Variants in EVL observed in about 807,000 individuals in gnomAD.
EVL encodes Enah/Vasp-like, also known as ena/VASP-like protein.
Under a neutral mutation model 59.6 loss-of-function variants are expected in EVL, and 21 were observed. The ratio of observed to expected loss-of-function variants is 0.35; its 90% CI spans 0.25 to 0.51. EVL has a LOEUF of 0.51. Among genes scored for constraint, EVL ranks in the 20% least tolerant of loss-of-function variants. EVL has a pLI of 0.97. For missense variants in EVL, 462 were observed against 546.6 expected (o/e 0.85, Z 1.54); for synonymous variants, 198 against 203.5 (o/e 0.97, Z 0.23).
At chr14:100,101,113 A>C (rs913255048) in intron 3 of EVL, among the ~76,000 whole-genome samples, 1 of 152,006 alleles carries the variant, frequency 6.6e-6, no homozygotes, top group Non-Finnish European at 1.5e-5. Flanking sequence ...TAATCCCAGC[A>C]CTTTGGGAGG....
chr14:100,047,118 C>CTCTTTTTTTTTTTT (rs1566983192), intron 1 of EVL, among the ~76,000 whole-genome samples: 14 of 23,910 alleles, frequency 5.9e-4, no homozygotes, highest in African/African-American at 1.9e-3. Context: ...ATCTCTCTCT[C>CTCTTTTTTTTTTTT]TTTTTTTTTT....
intron 1 of EVL, among the ~76,000 whole-genome samples, chr14:100,059,622 C>T (rs751089193): frequency 6.6e-6 from 1 of 152,074 alleles, no homozygotes; most frequent in Non-Finnish European, 1.5e-5. Context: ...TGTTGCAGAT[C>T]CGGCTTAACC....
intron 1 of EVL, among the ~76,000 whole-genome samples, chr14:100,044,547 A>G (rs775304313): frequency 2.6e-5 from 4 of 152,198 alleles, no homozygotes; most frequent in Non-Finnish European, 5.9e-5. Context: ...AAGGACTGAT[A>G]CTTGTCCTCT....
At position 100,052,361 on chromosome 14, in the gene EVL, A is replaced by G. The variant is rs540429708; in HGVS notation, c.6-32326A>G. 6.6e-5 allele frequency among the ~76,000 whole-genome samples: 10 copies of G among 152,344 alleles called. No individual in the cohort carries two copies. In the South Asian group the frequency reaches 1.9e-3, roughly 28 times the overall value. On this transcript the variant is annotated intron_variant, in intron 1 of 13. Coordinates refer to the EVL transcript ENST00000402714. Reference sequence around the variant, plus strand: ...TAAATTGCATTTATAAATTTAATATATTGAATGCATGCATGCCATATATAA... The same window carrying G: ...TAAATTGCATTTATAAATTTAATATGTTGAATGCATGCATGCCATATATAA...
intron 7 of EVL, among the ~76,000 whole-genome samples, chr14:100,131,949 C>T (rs1888462617): frequency 6.6e-6 from 1 of 152,120 alleles, no homozygotes; most frequent in African/African-American, 2.4e-5. Context: ...AGACAGGTGA[C>T]AGCCTGGCCA....
At chr14:100,097,357 C>T (rs753204798) in intron 2 of EVL, 124 bp from the exon 3 acceptor site, 3 of 838,520 alleles carry the variant, frequency 3.6e-6, no homozygotes, top group Non-Finnish European at 5.4e-6. Context: ...CTTTTCCCTT[C>T]TTCAAACCCC....
intron 1 of EVL, among the ~76,000 whole-genome samples, chr14:100,012,693 C>G (rs1340792301): frequency 6.6e-6 from 1 of 152,100 alleles, no homozygotes; most frequent in Non-Finnish European, 1.5e-5. Flanking sequence ...GCAAGGGCCC[C>G]CCTTTCATGG....
At chr14:100,139,049 C>T (rs1202661945) in intron 11 of EVL, 1 of 152,374 alleles carries the variant, frequency 6.6e-6, no homozygotes, top group Non-Finnish European at 1.5e-5. Context: ...TGTTCATGCG[C>T]AGGGCCCAGT....
chr14:100,068,184 C>T (rs1225159570), intron 1 of EVL, among the ~76,000 whole-genome samples: 1 of 152,052 alleles, frequency 6.6e-6, no homozygotes, highest in Non-Finnish European at 1.5e-5. Flanking sequence ...CATGAGGCAG[C>T]CATGCTAAAA....
At chr14:100,133,892 G>T (rs557636776) in intron 8 of EVL, among the ~76,000 whole-genome samples, 4 of 152,258 alleles carry the variant, frequency 2.6e-5, no homozygotes, top group South Asian at 4.2e-4. Context: ...AGCAGAGATC[G>T]CACCATTGCA....
chr14:100,028,122 T>TTTTGTTTG lies in EVL; in HGVS notation c.5+56073_5+56080dup, dbSNP rs150168613. The stretch of plus-strand genomic sequence containing the variant: ...ATGGTAGTTCTACTTTTAGTTGTTT[T>TTTTGTTTG]TTTGTTTGTTTGTTTTTTTTTTTTT... On this transcript the variant is annotated intron_variant, in intron 1 of 13. Transcript: ENST00000402714. 1.6e-4 allele frequency among the ~76,000 whole-genome samples: 22 copies of TTTTGTTTG among 135,354 alleles called. 1 individual carries two copies. The highest frequency in any genetic ancestry group is 2.4e-4 in the East Asian group (1 of 4,188). 88.8% of individuals were successfully genotyped at this position (135,354 alleles called of 152,430 possible). A position where few individuals can be genotyped will look rare whatever the true frequency, so the allele number is the denominator to read the frequency against.
At chr14:100,107,289 C>T in intron 3 of EVL, 1 of 398,668 alleles carries the variant, frequency 2.5e-6, no homozygotes, top group Non-Finnish European at 4.4e-6. Flanking sequence ...AAGCTGATGG[C>T]ACTCGACCAC....
At chr14:100,070,643 T>C (rs559371115) in intron 1 of EVL, among the ~76,000 whole-genome samples, 280 of 152,306 alleles carry the variant, frequency 1.8e-3, no homozygotes, top group Non-Finnish European at 3.5e-3. Flanking sequence ...GCCTAGTAAA[T>C]AGCACAGAGT....
intron 1 of EVL, among the ~76,000 whole-genome samples, chr14:100,020,638 G>A (rs1222583788): frequency 6.6e-6 from 1 of 152,112 alleles, no homozygotes; most frequent in Non-Finnish European, 1.5e-5. Context: ...TCCTCCAAAT[G>A]TTGCTGCGGT....
At position 100,120,648 on chromosome 14, in the gene EVL, G is replaced by A. The variant is rs555937341; in HGVS notation, c.359-2891G>A. Among the ~76,000 whole-genome samples, 3 of 152,318 alleles carry A rather than the reference G, an allele frequency of 2.0e-5. No individual in the cohort carries two copies. In the South Asian group the frequency reaches 6.2e-4, roughly 32 times the overall value. ...AACACAGAGAGACAGGAAGCATGGTGGGGCCGGGCCCAGTGTCCAGGTGCA... is the reference window on the plus strand; with the variant it reads ...AACACAGAGAGACAGGAAGCATGGTAGGGCCGGGCCCAGTGTCCAGGTGCA... On this transcript the variant is annotated intron_variant, in intron 3 of 13. Transcript: ENST00000392920.
At chr14:99,982,043 C>T (rs2060810399) in intron 1 of EVL, among the ~76,000 whole-genome samples, 1 of 152,140 alleles carries the variant, frequency 6.6e-6, no homozygotes, top group African/African-American at 2.4e-5. Flanking sequence ...GTGGCCGGTC[C>T]CTTCATGAAA....
intron 8 of EVL, chr14:100,135,601 TC>T (rs1179495056): frequency 2.4e-5 from 8 of 335,850 alleles, no homozygotes; most frequent in Non-Finnish European, 3.9e-5. Flanking sequence ...ACGGGAGGCA[TC>T]CGGCCCAAGG....
intron 1 of EVL, among the ~76,000 whole-genome samples, chr14:100,055,030 G>A (rs1361060562): frequency 4.6e-5 from 7 of 151,986 alleles, no homozygotes; most frequent in African/African-American, 7.3e-5. Flanking sequence ...GTGAAACCCC[G>A]TCTCTACTGA....
intron 1 of EVL, among the ~76,000 whole-genome samples, chr14:100,048,943 G>A (rs1045907654): frequency 3.3e-5 from 5 of 152,142 alleles, no homozygotes; most frequent in African/African-American, 4.8e-5. Flanking sequence ...TGGTGGGGGC[G>A]GATATGACTA....
Sources: gnomAD v4.1 joint callset for allele counts (sites outside exome capture counted in the v4.1 genomes callset) on GRCh38, gnomAD v4.1.1 for gene constraint, MANE v1.5 for transcripts, NCBI Gene and HGNC (gene_info 2026-07-23, HGNC 2026-07-21) for gene names.